The following GALNT17 variants were observed in gnomAD, a reference collection of about 807,000 sequenced individuals.
The protein encoded by GALNT17 is UDP-GalNAc:polypeptide N-acetylgalactosaminyltransferase-like 3.
In GALNT17, 29 loss-of-function variants were observed where a neutral mutation model predicts 63.7. The ratio of observed to expected loss-of-function variants is 0.46; its 90% CI spans 0.34 to 0.62. The LOEUF is 0.62. Ranked by LOEUF, GALNT17 falls within the 20% of genes least tolerant of loss-of-function variation. GALNT17 has a pLI of 0.01. For missense variants in GALNT17, 603 were observed against 799.6 expected (o/e 0.75, Z 2.97); for synonymous variants, 305 against 318.3 (o/e 0.96, Z 0.45).
chr7:71,516,745 T>C (rs1562672425), intron 5 of GALNT17, among the ~76,000 whole-genome samples: 1 of 152,132 alleles, frequency 6.6e-6, no homozygotes, highest in Non-Finnish European at 1.5e-5. Flanking sequence ...CCATGGATGC[T>C]CTCCATTTCT....
rs1432369297 is a variant in GALNT17 at position 71,547,116 on chromosome 7, TG to T, written c.963-24168del. 2.0e-5 allele frequency among the ~76,000 whole-genome samples: 3 copies of T among 150,930 alleles called. No individual in the cohort carries two copies. In the East Asian group the frequency reaches 5.9e-4, roughly 29 times the overall value. ...AAGTGATTCTCGTGCCTCAGCCTCCTGAGTAGCTGGAATTACAGGCATGCAA... is the reference window on the plus strand; with the variant it reads ...AAGTGATTCTCGTGCCTCAGCCTCCTAGTAGCTGGAATTACAGGCATGCAA... On this transcript the variant is annotated intron_variant, in intron 5 of 10. Transcript: ENST00000333538.
intron 6 of GALNT17, among the ~76,000 whole-genome samples, chr7:71,590,261 G>T (rs1789779101): frequency 6.6e-6 from 1 of 152,170 alleles, no homozygotes. Flanking sequence ...CTGCTGAAAT[G>T]TATTATCATA....
At position 71,163,349 on chromosome 7, in the gene GALNT17, G is replaced by A. The variant is rs574504482; in HGVS notation, c.238+30309G>A. Among the ~76,000 whole-genome samples, 11 of 152,260 alleles carry A rather than the reference G, an allele frequency of 7.2e-5. No homozygotes were observed. In the South Asian group the frequency reaches 2.3e-3, roughly 32 times the overall value. On this transcript the variant is annotated intron_variant, in intron 1 of 10. Coordinates refer to ENST00000333538, the MANE Select transcript of GALNT17 (RefSeq NM_022479.3). Reference sequence around the variant, plus strand: ...TTCTAGATCTAGGTTTGGTTTACATGGGGGAAGAGTAGGGAGGGAAGAGGC... The same window carrying A: ...TTCTAGATCTAGGTTTGGTTTACATAGGGGAAGAGTAGGGAGGGAAGAGGC...
At chr7:71,701,281 G>T (rs1252889564) in intron 9 of GALNT17, among the ~76,000 whole-genome samples, 2 of 152,138 alleles carry the variant, frequency 1.3e-5, no homozygotes. Flanking sequence ...GAGGTCAGAA[G>T]TTCAAGACCA....
chr7:71,321,638 T>C lies in GALNT17; in HGVS notation c.239-13912T>C, dbSNP rs923105727. Among the ~76,000 whole-genome samples the C allele has an allele frequency of 1.1e-4, 15 of 141,246 alleles. No homozygotes were observed. The South Asian group carries it at 1.3e-3, about 12-fold the overall frequency. 92.7% of individuals were successfully genotyped at this position (141,246 alleles called of 152,430 possible). On this transcript the variant is annotated intron_variant, in intron 1 of 10. Transcript: ENST00000333538. ...CCTCCCTTTTTTTGAGACTGAGTCTTGCTCTGTCACGCAGGCTGGAGTGCA... is the reference window on the plus strand; with the variant it reads ...CCTCCCTTTTTTTGAGACTGAGTCTCGCTCTGTCACGCAGGCTGGAGTGCA...
chr7:71,143,188 G>A (rs1488702572), intron 1 of GALNT17, among the ~76,000 whole-genome samples: 1 of 151,426 alleles, frequency 6.6e-6, no homozygotes, highest in African/African-American at 2.4e-5. Flanking sequence ...TTGGGAGGCC[G>A]AGGTGGGTGG....
At chr7:71,572,517 A>AAC (rs1789463169) in intron 6 of GALNT17, among the ~76,000 whole-genome samples, 1 of 109,396 alleles carries the variant, frequency 9.1e-6, no homozygotes. Context: ...AAAAAAAAAA[A>AAC]AAAAAAAAAA....
intron 1 of GALNT17, among the ~76,000 whole-genome samples, chr7:71,189,971 T>C (rs1788920768): frequency 1.3e-5 from 2 of 151,958 alleles, no homozygotes; most frequent in Non-Finnish European, 2.9e-5. Context: ...CCACCACGCC[T>C]GGCTAATTTT....
chr7:71,296,416 C>G (rs1008265709), intron 1 of GALNT17, among the ~76,000 whole-genome samples: 2 of 152,104 alleles, frequency 1.3e-5, no homozygotes, highest in African/African-American at 4.8e-5. Context: ...TAGTTCAAGA[C>G]CAGCTTGGCC....
At chr7:71,562,116 T>C (rs1789266390) in intron 5 of GALNT17, among the ~76,000 whole-genome samples, 1 of 152,014 alleles carries the variant, frequency 6.6e-6, no homozygotes, top group Admixed American at 6.6e-5. Flanking sequence ...CCACCATGCC[T>C]GGTTATTTTT....
chr7:71,408,875 T>C (rs1447495018), intron 3 of GALNT17, among the ~76,000 whole-genome samples: 2 of 151,908 alleles, frequency 1.3e-5, no homozygotes, highest in Admixed American at 6.6e-5. Flanking sequence ...CCTGTCTCTG[T>C]CTCTGTCTCT....
chr7:71,160,889 A>G (rs755698339), intron 1 of GALNT17, among the ~76,000 whole-genome samples: 1 of 152,122 alleles, frequency 6.6e-6, no homozygotes, highest in South Asian at 2.1e-4. Flanking sequence ...CCAGGCTGTG[A>G]TGCAGTGGTG....
chr7:71,363,911 G>A (rs2116242090), intron 2 of GALNT17, among the ~76,000 whole-genome samples: 1 of 152,322 alleles, frequency 6.6e-6, no homozygotes, highest in South Asian at 2.1e-4. Context: ...ATAGGTGACA[G>A]TTTGTTTCCA....
rs377052749 is a variant in GALNT17, at chr7:71,626,733, G to A, written c.1081-38678G>A. 1.9e-4 allele frequency among the ~76,000 whole-genome samples: 29 copies of A among 152,312 alleles called. No individual in the cohort carries two copies. The South Asian group carries it at 6.0e-3, about 32-fold the overall frequency. On this transcript the variant is annotated intron_variant, in intron 6 of 10. Coordinates refer to ENST00000333538, the MANE Select transcript of GALNT17 (RefSeq NM_022479.3). Reference sequence around the variant, plus strand: ...ATGAGACACAATGGGCATCTTCAGGGTAGAACTACACCACCTTTGATTAAA... The same window carrying A: ...ATGAGACACAATGGGCATCTTCAGGATAGAACTACACCACCTTTGATTAAA...
chr7:71,250,101 A>G (rs1339069271), intron 1 of GALNT17, among the ~76,000 whole-genome samples: 1 of 152,170 alleles, frequency 6.6e-6, no homozygotes, highest in African/African-American at 2.4e-5. Context: ...CCAAACATCC[A>G]TTTCAAAATG....
At chr7:71,577,687 G>A (rs895069110) in intron 6 of GALNT17, among the ~76,000 whole-genome samples, 9 of 152,288 alleles carry the variant, frequency 5.9e-5, no homozygotes, top group East Asian at 1.9e-4. Flanking sequence ...AAGAACAAGC[G>A]TATTTTAATT....
intron 5 of GALNT17, among the ~76,000 whole-genome samples, chr7:71,516,760 A>T (rs1456752314): frequency 2.0e-5 from 3 of 152,138 alleles, no homozygotes; most frequent in African/African-American, 7.2e-5. Flanking sequence ...ATTTCTCCCC[A>T]TTCTGCCCAT....
chr7:71,366,547 C>G (rs770074497), intron 2 of GALNT17, among the ~76,000 whole-genome samples: 1 of 152,002 alleles, frequency 6.6e-6, no homozygotes, highest in Non-Finnish European at 1.5e-5. Context: ...TGCCATTGCA[C>G]TCCAGCCTGG....
rs569298717 is a variant in GALNT17, at chr7:71,295,992, G to T, written c.239-39558G>T. ...TCACATAATACAATTTTGCTTTTTA[G>T]TCCTGGGAGCTCTTATCTTTTATTA... is the stretch of plus-strand genomic sequence containing the variant. On this transcript the variant is annotated intron_variant, in intron 1 of 10. Coordinates refer to ENST00000333538, the MANE Select transcript of GALNT17 (RefSeq NM_022479.3). Among the ~76,000 whole-genome samples the T allele has an allele frequency of 4.6e-5, 7 of 150,696 alleles. No individual in the cohort carries two copies. In the South Asian group the frequency reaches 1.3e-3, roughly 27 times the overall value.
Sources: allele counts gnomAD v4.1 joint callset (sites outside exome capture counted in the v4.1 genomes callset), GRCh38; gene constraint gnomAD v4.1.1; transcripts MANE v1.5; gene names NCBI Gene and HGNC (gene_info 2026-07-23, HGNC 2026-07-21).